The following OR2T12 variants were observed in gnomAD, a reference collection of about 807,000 sequenced individuals.
The protein encoded by OR2T12 is olfactory receptor 2T12.
For missense variants in OR2T12, 335 were observed against 404.3 expected (o/e 0.83, Z 1.47); for synonymous variants, 127 against 160.5 (o/e 0.79, Z 1.58).
rs770460086 is a variant in OR2T12 at position 248,295,324 on chromosome 1, G to A, written c.255C>T (p.Thr85=). 35 of 1,608,842 alleles carry A rather than the reference G, an allele frequency of 2.2e-5. No homozygotes were observed. Among genetic ancestry groups the A allele is most frequent in the African/African-American group, 1.2e-4 (9 of 74,052 alleles). The change falls in exon 3 of 3, where the codon ACC becomes ACT. Residue 85 remains threonine (T), a synonymous_variant. Coordinates refer to ENST00000641276, the MANE Select transcript of OR2T12 (RefSeq NM_001004692.2). ...TVPKMAADYL[T]GNKAISRAGC... ...CAGCGCGGGAGATGGCCTTATTTCC[G>A]GTCAAGTAGTCAGCCGCCATTTTGG...
rs941243515 is a variant in OR2T12 at position 248,290,706 on chromosome 1, G to C, written c.*3910C>G. 1 of 152,088 alleles carries C rather than the reference G, an allele frequency of 6.6e-6. No homozygotes were observed. Among genetic ancestry groups the C allele is most frequent in the Non-Finnish European group, 1.5e-5 (1 of 68,006 alleles). The allele number at this position is 152,088 out of a possible 1,614,324, so 9.4% of individuals were successfully genotyped here. On this transcript the variant is annotated 3_prime_UTR_variant, in exon 3 of 3. Transcript: ENST00000641276. ...ATGGTAAAAGCGTTGCTATTTCTCCGCATACGTGCCAGCGTCTGTTGTTTC... is the reference window on the plus strand; with the variant it reads ...ATGGTAAAAGCGTTGCTATTTCTCCCCATACGTGCCAGCGTCTGTTGTTTC...
In OR2T12 at chr1:248,291,715, C is replaced by T. The variant is rs140310967; in HGVS notation, c.*2901G>A. The T allele has an allele frequency of 2.6e-5, 4 of 152,260 alleles. No individual in the cohort carries two copies. Among genetic ancestry groups the T allele is most frequent in the East Asian group, 1.9e-4 (1 of 5,184 alleles). 9.4% of individuals were successfully genotyped at this position (152,260 alleles called of 1,614,324 possible). A position where few individuals can be genotyped will look rare whatever the true frequency, so the allele number is the denominator to read the frequency against. On this transcript the variant is annotated 3_prime_UTR_variant, in exon 3 of 3. Transcript: ENST00000641276. ...TACTACAAGGCTACAGTAACCAAAACAGCATGGTACTGGTACCAAAACAGA... is the reference window on the plus strand; with the variant it reads ...TACTACAAGGCTACAGTAACCAAAATAGCATGGTACTGGTACCAAAACAGA...
intron 2 of OR2T12, among the ~76,000 whole-genome samples, chr1:248,296,798 G>A (rs1558277649): frequency 6.6e-6 from 1 of 152,050 alleles, no homozygotes; most frequent in South Asian, 2.1e-4. Flanking sequence ...CTCCCATTTT[G>A]TGGGTTGCCT....
At position 248,293,038 on chromosome 1, in the gene OR2T12, G is replaced by A. The variant is rs1659654884; in HGVS notation, c.*1578C>T. On this transcript the variant is annotated 3_prime_UTR_variant, in exon 3 of 3. Transcript: ENST00000641276. ...CTTTCTCACTCTAACACTGGGTAAG[G>A]AGATTAATTAACAAGAGTAGGAAAC... The A allele has an allele frequency of 6.6e-6, 1 of 152,040 alleles. No homozygotes were observed. The highest frequency in any genetic ancestry group is 6.6e-5 in the Admixed American group (1 of 15,260). The allele number at this position is 152,040 out of a possible 1,614,324, so 9.4% of individuals were successfully genotyped here. A position where few individuals can be genotyped will look rare whatever the true frequency, so the allele number is the denominator to read the frequency against.
chr1:248,294,417 G>T lies in OR2T12; in HGVS notation c.*199C>A. On this transcript the variant is annotated 3_prime_UTR_variant, in exon 3 of 3. Transcript: ENST00000641276. ...TTGTAGGATACAAAGTAATCTATAGGTATTACTTCACTTGAAGAAAAGTAC... is the reference window on the plus strand; with the variant it reads ...TTGTAGGATACAAAGTAATCTATAGTTATTACTTCACTTGAAGAAAAGTAC... 1 of 618,314 alleles carries T rather than the reference G, an allele frequency of 1.6e-6. No homozygotes were observed. Among genetic ancestry groups the T allele is most frequent in the Non-Finnish European group, 2.7e-6 (1 of 369,130 alleles). The allele number at this position is 618,314 out of a possible 1,614,324, so 38.3% of individuals were successfully genotyped here.
chr1:248,296,365 T>A (rs908975716), intron 2 of OR2T12, among the ~76,000 whole-genome samples: 1 of 152,206 alleles, frequency 6.6e-6, no homozygotes, highest in African/African-American at 2.4e-5. Context: ...TTTGGGTATA[T>A]ACCCAGTAAT....
intron 2 of OR2T12, 41 bp downstream of exon 2, chr1:248,301,332 C>T (rs76124409): frequency 2.0e-5 from 3 of 152,074 alleles, no homozygotes; most frequent in Admixed American, 1.3e-4. Context: ...ATTTGACATT[C>T]CTTCTAAGTA....
intron 2 of OR2T12, among the ~76,000 whole-genome samples, chr1:248,299,147 C>G (rs1222419419): frequency 6.6e-6 from 1 of 152,100 alleles, no homozygotes; most frequent in Admixed American, 6.5e-5. Flanking sequence ...AAATAACCAG[C>G]TAACATCATA....
At chr1:248,299,262 C>T (rs1324136613) in intron 2 of OR2T12, among the ~76,000 whole-genome samples, 1 of 152,132 alleles carries the variant, frequency 6.6e-6, no homozygotes, top group African/African-American at 2.4e-5. Context: ...AGAGTCAAGA[C>T]CCATCAGTGT....
intron 1 of OR2T12, among the ~76,000 whole-genome samples, chr1:248,302,845 G>A (rs1033343127): frequency 6.6e-6 from 1 of 152,182 alleles, no homozygotes; most frequent in East Asian, 1.9e-4. Flanking sequence ...AAATAATTTT[G>A]TGTAAGGGAG....
Position 248,295,514 on chromosome 1 carries a change from T to C in OR2T12, c.65A>G (p.His22Arg). The change falls in exon 3 of 3, where the codon CAC (histidine) becomes CGC (arginine). Residue 22 changes from histidine (H) to arginine (R), a missense_variant. Transcript: ENST00000641276. ...CAGAAGCATCATGAAGAGGACTTGGTGGGCTCTGGTGTGGTTAAAGAGTCC... is the reference window on the plus strand; with the variant it reads ...CAGAAGCATCATGAAGAGGACTTGGCGGGCTCTGGTGTGGTTAAAGAGTCC... Reference protein sequence around the residue: ...LLGLFNHTRAHQVLFMMLLAT... With the variant: ...LLGLFNHTRARQVLFMMLLAT... 1 of 1,613,386 alleles carries C rather than the reference T, an allele frequency of 6.2e-7. No individual in the cohort carries two copies.
Position 248,294,837 on chromosome 1 carries a change from G to A in OR2T12, c.742C>T (p.Leu248Phe). 3 of 1,613,090 alleles carry A rather than the reference G, an allele frequency of 1.9e-6. No homozygotes were observed. The highest frequency in any genetic ancestry group is 2.5e-6 in the Non-Finnish European group (3 of 1,179,852). Residue 248 changes from leucine (L) to phenylalanine (F), a missense_variant, in exon 3 of 3, where the codon CTC becomes TTC. By Grantham distance (22) the Leu-to-Phe change is conservative. Transcript: ENST00000641276. ...GTAAAAATGCCAGCTCCATAAAAGA[G>A]TCCCACCACAGCCACATGTGAAGAG... The part of the protein sequence containing the change: ...TCSSHVAVVG[L>F]FYGAGIFTYM...
chr1:248,300,265 A>G (rs1474577610), intron 2 of OR2T12, among the ~76,000 whole-genome samples: 2 of 152,194 alleles, frequency 1.3e-5, no homozygotes, highest in Non-Finnish European at 2.9e-5. Flanking sequence ...GACCAGCACA[A>G]TACTAGAAAT....
chr1:248,302,119 T>C (rs1185865925), intron 1 of OR2T12, among the ~76,000 whole-genome samples: 2 of 151,154 alleles, frequency 1.3e-5, no homozygotes, highest in African/African-American at 4.9e-5. Context: ...TCCACCGAGG[T>C]TGCTAAAATG....
Position 248,293,262 on chromosome 1 carries a change from A to G in OR2T12, c.*1354T>C, listed in dbSNP as rs1255926669. 6.6e-6 allele frequency: 1 copy of G among 152,162 alleles called. No individual in the cohort carries two copies. Among genetic ancestry groups the G allele is most frequent in the Non-Finnish European group, 1.5e-5 (1 of 67,992 alleles). The allele number at this position is 152,162 out of a possible 1,614,324, so 9.4% of individuals were successfully genotyped here. A position where few individuals can be genotyped will look rare whatever the true frequency, so the allele number is the denominator to read the frequency against. ...AAACTCCTTTCACTTGTTCTAGAAC[A>G]GTTACCTTTTGAAATTCAGGTTGGT... On this transcript the variant is annotated 3_prime_UTR_variant, in exon 3 of 3. Coordinates refer to ENST00000641276, the MANE Select transcript of OR2T12 (RefSeq NM_001004692.2).
At chr1:248,302,410 C>A (rs567457034) in intron 1 of OR2T12, among the ~76,000 whole-genome samples, 1 of 152,186 alleles carries the variant, frequency 6.6e-6, no homozygotes, top group Non-Finnish European at 1.5e-5. Flanking sequence ...TAAAGCACAG[C>A]AACACTGCAA....
rs1659602009 is a variant in OR2T12, at chr1:248,290,204, C to T, written c.*4412G>A. The T allele has an allele frequency of 2.6e-5, 4 of 152,064 alleles. No homozygotes were observed. The South Asian group carries it at 8.3e-4, about 32-fold the overall frequency. The allele number at this position is 152,064 out of a possible 1,614,324, so 9.4% of individuals were successfully genotyped here. On this transcript the variant is annotated 3_prime_UTR_variant, in exon 3 of 3. Coordinates refer to ENST00000641276, the MANE Select transcript of OR2T12 (RefSeq NM_001004692.2). The stretch of plus-strand genomic sequence containing the variant: ...AGAGGCCTCATAAACAGAAAAGAGG[C>T]CTCAGAATTAATGCCATACAACCAT...
chr1:248,295,886 G>A (rs1044156669), intron 2 of OR2T12, among the ~76,000 whole-genome samples: 1 of 151,614 alleles, frequency 6.6e-6, no homozygotes, highest in African/African-American at 2.4e-5. Flanking sequence ...TAAGTTTTAG[G>A]GTACATGTGC....
rs1572829379 is a variant in OR2T12 at position 248,294,319 on chromosome 1, T to G, written c.*297A>C. On this transcript the variant is annotated 3_prime_UTR_variant, in exon 3 of 3. Coordinates refer to ENST00000641276, the MANE Select transcript of OR2T12 (RefSeq NM_001004692.2). ...CATAGGTAAGTAGAGATATTTTTGA[T>G]GAAAAATTTGGGACACCTTTTAAAG... is the stretch of plus-strand genomic sequence containing the variant. The G allele has an allele frequency of 1.1e-5, 3 of 267,688 alleles. No individual in the cohort carries two copies. Among genetic ancestry groups the G allele is most frequent in the Middle Eastern group, 1.3e-3 (1 of 754 alleles). 16.6% of individuals were successfully genotyped at this position (267,688 alleles called of 1,614,324 possible).
Sources: allele counts gnomAD v4.1 joint callset (sites outside exome capture counted in the v4.1 genomes callset), GRCh38; gene constraint gnomAD v4.1.1; transcripts MANE v1.5; gene names NCBI Gene and HGNC (gene_info 2026-07-23, HGNC 2026-07-21).